Variants in SSX5 observed in about 807,000 individuals in gnomAD.
SSX5 encodes SSX family member 5.
In SSX5, 14 loss-of-function variants were observed where a neutral mutation model predicts 14.9. The ratio of observed to expected loss-of-function variants is 0.94; its 90% CI spans 0.62 to 1.47. SSX5 has a LOEUF of 1.47. SSX5 is among the 40% of genes most tolerant of loss of function. The pLI, the probability that SSX5 is intolerant of heterozygous loss-of-function variation, is 0.00. For synonymous variants in SSX5, 70 were observed against 55.4 expected (o/e 1.26, Z -1.17); for missense variants, 204 against 154.6 (o/e 1.32, Z -1.70).
rs782798567 is a variant in SSX5, at chrX:48,189,687, T to G, written c.466+446A>C. 4.4e-5 allele frequency among the ~76,000 whole-genome samples: 5 copies of G among 112,426 alleles called. No individual in the cohort carries two copies. The Admixed American group carries it at 4.7e-4, about 11-fold the overall frequency. Reference sequence around the variant, plus strand: ...AAGAAAAAAATGTGTGTGACTCACTTTATCGCAGTGGTCTGGAACTGAACA... The same window carrying G: ...AAGAAAAAAATGTGTGTGACTCACTGTATCGCAGTGGTCTGGAACTGAACA... On this transcript the variant is annotated intron_variant, in intron 6 of 7. Transcript: ENST00000347757.
At chrX:48,186,883 A>G (rs2059399866) in intron 7 of SSX5, 27 bp from the exon 8 acceptor site, 1 of 1,197,752 alleles carries the variant, frequency 8.3e-7, no homozygotes, top group Admixed American at 2.2e-5. Flanking sequence ...GAAGGAAAGT[A>G]AGTGGCAGTG....
chrX:48,187,162 AAG>A, intron 7 of SSX5, among the ~76,000 whole-genome samples: 1 of 111,865 alleles, frequency 8.9e-6, no homozygotes, highest in South Asian at 3.8e-4. Flanking sequence ...AGGGAGTAGA[AAG>A]AGCATGGTTA....
intron 6 of SSX5, among the ~76,000 whole-genome samples, chrX:48,188,872 C>T (rs2059408889): frequency 8.9e-6 from 1 of 112,248 alleles, no homozygotes; most frequent in Non-Finnish European, 1.9e-5. Context: ...AATACTAATA[C>T]TCCAGTGAAC....
In SSX5 at chrX:48,194,849, G is replaced by A. The variant is rs782710401; in HGVS notation, c.75C>T (p.Phe25=). The A allele has an allele frequency of 3.8e-4, 454 of 1,198,691 alleles. No individual in the cohort carries two copies. The highest frequency in any genetic ancestry group is 5.0e-4 in the Non-Finnish European group (446 of 891,031). The change falls in exon 3 of 8, where the codon TTC becomes TTT. Residue 25 remains phenylalanine (F), a synonymous_variant. Coordinates refer to ENST00000347757, the MANE Select transcript of SSX5 (RefSeq NM_175723.2). ...CAGAGAAGTATTTGGCAATATCATC[G>A]AAGGCCTAGAAAAAAAAAAAGGATT... ...SQIPEKMQKA[F]DDIAKYFSEK...
At chrX:48,192,714 A>G (rs1214175833) in intron 4 of SSX5, among the ~76,000 whole-genome samples, 1 of 112,228 alleles carries the variant, frequency 8.9e-6, no homozygotes, top group Non-Finnish European at 1.9e-5. Flanking sequence ...GTGGCTCTGA[A>G]ATATTTTCAG....
chrX:48,193,259 T>TC (rs1556925134), intron 4 of SSX5, among the ~76,000 whole-genome samples: 2 of 110,946 alleles, frequency 1.8e-5, no homozygotes, highest in South Asian at 3.8e-4. Context: ...ACATTTTCTT[T>TC]TTTTTTTTTC....
intron 6 of SSX5, among the ~76,000 whole-genome samples, chrX:48,188,177 T>C (rs1466484465): frequency 1.8e-5 from 2 of 112,469 alleles, no homozygotes; most frequent in Admixed American, 9.5e-5. Flanking sequence ...TGGTGATTTG[T>C]GATCAGTGAG....
intron 2 of SSX5, 122 bp from the exon 3 acceptor site, chrX:48,194,976 A>C (rs782224902): frequency 2.5e-6 from 3 of 1,211,381 alleles, no homozygotes; most frequent in East Asian, 5.9e-5. Context: ...GGTTGATGCC[A>C]TGGCTAACTG....
rs782596899 is a variant in SSX5, at chrX:48,187,705, T to G, written c.493A>C (p.Thr165Pro). 1.7e-6 allele frequency: 2 copies of G among 1,207,615 alleles called. No individual in the cohort carries two copies. The highest frequency in any genetic ancestry group is 2.2e-6 in the Non-Finnish European group (2 of 894,737). Residue 165 changes from threonine to proline, a missense_variant, in exon 7 of 8, where the codon ACC becomes CCC. Thr to Pro is a conservative substitution (Grantham distance 38). Transcript: ENST00000347757. Reference protein sequence around the residue: ...SGPKRGKHAWTHRVRERKQLV... With the variant: ...SGPKRGKHAWPHRVRERKQLV... ...TGCTTTCTCTCACGCACTCTGTGGGTCCAGGCATGTTTCCCCCTTTTGGGT... is the reference window on the plus strand; with the variant it reads ...TGCTTTCTCTCACGCACTCTGTGGGGCCAGGCATGTTTCCCCCTTTTGGGT...
Position 48,186,413 on chromosome X carries a change from CG to C in SSX5, c.*447del. The C allele has an allele frequency of 3.7e-6, 1 of 269,364 alleles. No individual in the cohort carries two copies. Among genetic ancestry groups the C allele is most frequent in the African/African-American group, 2.9e-5 (1 of 35,063 alleles). The allele number at this position is 269,364 out of a possible 1,213,427, so 22.2% of individuals were successfully genotyped here. On this transcript the variant is annotated 3_prime_UTR_variant, in exon 8 of 8. Transcript: ENST00000347757. ...GTGTGTGTGTGTGTGTGCGCGCGCG[CG>C]CGCATGTGTGTCTGTGTGGCATGTG...
In SSX5 at chrX:48,190,191, C is replaced by T; in HGVS notation, c.408G>A (p.Gly136=). The change falls in exon 6 of 8, where the codon GGG becomes GGA. Residue 136 remains glycine (G), a synonymous_variant. Coordinates refer to ENST00000347757, the MANE Select transcript of SSX5 (RefSeq NM_175723.2). ...GTTTTCCTGAGGGGCGCAGCTGTTT[C>T]CCATTGTTCTGTGGGCCAGATGCTT... ...VPEASGPQNN[G]KQLRPSGKLN... 2 of 1,210,516 alleles carry T rather than the reference C, an allele frequency of 1.7e-6. No homozygotes were observed. The highest frequency in any genetic ancestry group is 2.2e-6 in the Non-Finnish European group (2 of 894,892).
chrX:48,187,041 T>C (rs1174958664), intron 7 of SSX5, among the ~76,000 whole-genome samples, 185 bp from the exon 8 acceptor site: 4 of 111,602 alleles, frequency 3.6e-5, no homozygotes, highest in African/African-American at 1.3e-4. Flanking sequence ...CTTCCTCGCC[T>C]GGGTTATCAA....
intron 2 of SSX5, 126 bp from the exon 3 acceptor site, chrX:48,194,980 C>T (rs781932310): frequency 9.9e-6 from 12 of 1,211,583 alleles, no homozygotes; most frequent in Non-Finnish European, 1.3e-5. Context: ...GATGCCATGG[C>T]TAACTGACAG....
intron 5 of SSX5, among the ~76,000 whole-genome samples, chrX:48,190,536 G>A (rs782580869): frequency 8.9e-6 from 1 of 111,874 alleles, no homozygotes; most frequent in East Asian, 2.8e-4. Flanking sequence ...ATATCTCCAT[G>A]TAATTGAGAG....
chrX:48,193,453 A>T (rs2059427743), intron 4 of SSX5, among the ~76,000 whole-genome samples: 1 of 111,487 alleles, frequency 9.0e-6, no homozygotes, highest in Non-Finnish European at 1.9e-5. Context: ...GAATATTAGA[A>T]ATACTACAAA....
In SSX5 at chrX:48,194,157, A is replaced by C. The variant is rs1326493082; in HGVS notation, c.252T>G (p.Phe84Leu). ...GATTCCCACGGTTAGGGTCATTATCAAAATCATTCCCCTGGAAGTCTGCGA... is the reference window on the plus strand; with the variant it reads ...GATTCCCACGGTTAGGGTCATTATCCAAATCATTCCCCTGGAAGTCTGCGA... ...KRVADFQGND[F>L]DNDPNRGNQV... Residue 84 changes from phenylalanine (F) to leucine (L), a missense_variant, in exon 4 of 8, where the codon TTT becomes TTG. Coordinates refer to ENST00000347757, the MANE Select transcript of SSX5 (RefSeq NM_175723.2). 18 of 1,208,143 alleles carry C rather than the reference A, an allele frequency of 1.5e-5. No homozygotes were observed. Among genetic ancestry groups the C allele is most frequent in the Non-Finnish European group, 2.0e-5 (18 of 894,718 alleles).
intron 4 of SSX5, among the ~76,000 whole-genome samples, chrX:48,193,174 C>T (rs2059426634): frequency 9.0e-6 from 1 of 111,647 alleles, no homozygotes; most frequent in African/African-American, 3.3e-5. Flanking sequence ...CACCTTCACT[C>T]CTAAGATAGT....
intron 2 of SSX5, 144 bp downstream of exon 2, chrX:48,195,146 C>G (rs781943884): frequency 4.1e-6 from 5 of 1,209,435 alleles, no homozygotes; most frequent in Admixed American, 2.2e-5. Flanking sequence ...GATGACAGAG[C>G]GAGAGTGAGA....
At chrX:48,186,944 C>T (rs1443400234) in intron 7 of SSX5, 88 bp from the exon 8 acceptor site, 2 of 1,099,112 alleles carry the variant, frequency 1.8e-6, no homozygotes, top group Non-Finnish European at 1.2e-6. Context: ...CCTGCAGACC[C>T]TGCCCACTCC....
Sources: allele counts gnomAD v4.1 joint callset (sites outside exome capture counted in the v4.1 genomes callset), GRCh38; gene constraint gnomAD v4.1.1; transcripts MANE v1.5; gene names NCBI Gene and HGNC (gene_info 2026-07-23, HGNC 2026-07-21).